The following STX1B variants were observed in gnomAD, a reference collection of about 807,000 sequenced individuals.
STX1B encodes the protein syntaxin-1B.
STX1B carries 7 observed loss-of-function variants against 39.4 expected under a neutral mutation model. The observed-to-expected ratio is 0.18, with a 90% CI of 0.10 to 0.33. The LOEUF (loss-of-function observed/expected upper bound fraction) is 0.33, where lower values mean the gene tolerates loss of function less well. Among genes scored for constraint, STX1B ranks in the 10% least tolerant of loss-of-function variants. STX1B has a pLI of 1.00. For missense variants in STX1B, 198 were observed against 383.2 expected (o/e 0.52, Z 4.04); for synonymous variants, 136 against 144.1 (o/e 0.94, Z 0.40).
chr16:30,999,338 A>G (rs1164789509), intron 4 of STX1B, among the ~76,000 whole-genome samples: 1 of 152,196 alleles, frequency 6.6e-6, no homozygotes, highest in East Asian at 1.9e-4. Flanking sequence ...TCTCTGGGCC[A>G]AGGTCAGTGT....
intron 1 of STX1B, among the ~76,000 whole-genome samples, chr16:31,010,051 G>A (rs758132566): frequency 4.6e-5 from 7 of 151,912 alleles, no homozygotes; most frequent in African/African-American, 9.7e-5. Flanking sequence ...AGTCTCCTCC[G>A]GTTTCTCCTG....
intron 1 of STX1B, among the ~76,000 whole-genome samples, chr16:31,006,556 GTGCTGA>G (rs2056655946): frequency 6.6e-6 from 1 of 152,186 alleles, no homozygotes. Flanking sequence ...ATTTCAGATT[GTGCTGA>G]ATAGCAGGAG....
In STX1B at chr16:31,010,470, G is replaced by T; in HGVS notation, c.-74C>A. On this transcript the variant is annotated 5_prime_UTR_variant, in exon 1 of 10. Transcript: ENST00000215095. Reference sequence around the variant, plus strand: ...GCTCCGGGTCTCCCGCCTCTGTGCCGGAGGCCGGGGTCTGGGGGCGCCGGG... The same window carrying T: ...GCTCCGGGTCTCCCGCCTCTGTGCCTGAGGCCGGGGTCTGGGGGCGCCGGG... 1 of 1,229,022 alleles carries T rather than the reference G, an allele frequency of 8.1e-7. No homozygotes were observed. Among genetic ancestry groups the T allele is most frequent in the Non-Finnish European group, 1.1e-6 (1 of 947,658 alleles). 76.1% of individuals were successfully genotyped at this position (1,229,022 alleles called of 1,614,324 possible).
chr16:30,997,021 G>A lies in STX1B; in HGVS notation c.393C>T (p.Thr131=). ...TLSRKFVEVM[T]EYNATQSKYR... is the part of the protein sequence containing the mutation. The stretch of plus-strand genomic sequence containing the variant: ...ACTTGGACTGGGTCGCGTTATATTC[G>A]GTCATTACCTCCACGAACTTCCGGG... Residue 131 remains threonine, a synonymous_variant, in exon 6 of 10, where the codon ACC becomes ACT. Coordinates refer to ENST00000215095, the MANE Select transcript of STX1B (RefSeq NM_052874.5). 1 of 1,613,380 alleles carries A rather than the reference G, an allele frequency of 6.2e-7. No individual in the cohort carries two copies. Among genetic ancestry groups the A allele is most frequent in the South Asian group, 1.1e-5 (1 of 90,998 alleles).
chr16:30,991,351 C>T lies in STX1B; in HGVS notation c.*1470G>A, dbSNP rs1158287268. 5 of 152,756 alleles carry T rather than the reference C, an allele frequency of 3.3e-5. No individual in the cohort carries two copies. The highest frequency in any genetic ancestry group is 2.6e-4 in the Admixed American group (4 of 15,280). 9.5% of individuals were successfully genotyped at this position (152,756 alleles called of 1,614,324 possible). On this transcript the variant is annotated 3_prime_UTR_variant, in exon 10 of 10. Coordinates refer to ENST00000215095, the MANE Select transcript of STX1B (RefSeq NM_052874.5). Reference sequence around the variant, plus strand: ...AGGATCTAGGTGTGAGCATGCAGAGCCCTGAGGCTGGGCAGGCAGGGAGCT... The same window carrying T: ...AGGATCTAGGTGTGAGCATGCAGAGTCCTGAGGCTGGGCAGGCAGGGAGCT...
chr16:31,010,274 G>GC, intron 1 of STX1B, 93 bp downstream of exon 1: 1 of 1,018,038 alleles, frequency 9.8e-7, no homozygotes, highest in Non-Finnish European at 1.3e-6. Context: ...CTCATCCTTC[G>GC]CCCCCACGTC....
At position 30,989,494 on chromosome 16, in the gene STX1B, G is replaced by C. The variant is rs916808800; in HGVS notation, c.*3327C>G. ...GGCTCTGGGCCCCAGCCAGGCCCCA[G>C]GAGTCCTGTCCCCTCTGAGAAGGGG... On this transcript the variant is annotated 3_prime_UTR_variant, in exon 10 of 10. Transcript: ENST00000215095. The C allele has an allele frequency of 6.6e-6, 1 of 152,186 alleles. No individual in the cohort carries two copies. Among genetic ancestry groups the C allele is most frequent in the African/African-American group, 2.4e-5 (1 of 41,438 alleles). The allele number at this position is 152,186 out of a possible 1,614,324, so 9.4% of individuals were successfully genotyped here. A position where few individuals can be genotyped will look rare whatever the true frequency, so the allele number is the denominator to read the frequency against.
At chr16:30,993,281 G>A (rs1393996869) in intron 8 of STX1B, 41 bp from the exon 9 acceptor site, 13 of 1,613,356 alleles carry the variant, frequency 8.1e-6, no homozygotes, top group South Asian at 1.1e-5. Context: ...GATGGGGGCT[G>A]GGCTGGAAGA....
In STX1B at chr16:30,990,126, C is replaced by CACTCCAGGTGGGGGGAGTGGT. The variant is rs1325599374; in HGVS notation, c.*2674_*2694dup. 2.0e-5 allele frequency: 3 copies of CACTCCAGGTGGGGGGAGTGGT among 152,298 alleles called. No individual in the cohort carries two copies. Among genetic ancestry groups the CACTCCAGGTGGGGGGAGTGGT allele is most frequent in the Non-Finnish European group, 4.4e-5 (3 of 68,096 alleles). The allele number at this position is 152,298 out of a possible 1,614,324, so 9.4% of individuals were successfully genotyped here. A position where few individuals can be genotyped will look rare whatever the true frequency, so the allele number is the denominator to read the frequency against. On this transcript the variant is annotated 3_prime_UTR_variant, in exon 10 of 10. Transcript: ENST00000215095. Reference sequence around the variant, plus strand: ...AGATGGGCAGCTGTGGGCCCAATGCCACTCCAGGTGGGGGGAGTGGTGCCC... The same window carrying CACTCCAGGTGGGGGGAGTGGT: ...AGATGGGCAGCTGTGGGCCCAATGCCACTCCAGGTGGGGGGAGTGGTACTCCAGGTGGGGGGAGTGGTGCCC...
chr16:30,993,690 G>A (rs575147466), intron 7 of STX1B, among the ~76,000 whole-genome samples: 2 of 152,284 alleles, frequency 1.3e-5, no homozygotes, highest in South Asian at 4.2e-4. Context: ...AAGACTGAGT[G>A]AGTTAATATG....
In STX1B at chr16:30,989,849, G is replaced by A. The variant is rs1315744332; in HGVS notation, c.*2972C>T. The A allele has an allele frequency of 6.6e-6, 1 of 152,530 alleles. No homozygotes were observed. Among genetic ancestry groups the A allele is most frequent in the Non-Finnish European group, 1.5e-5 (1 of 68,202 alleles). The allele number at this position is 152,530 out of a possible 1,614,324, so 9.4% of individuals were successfully genotyped here. ...TGGGAACAGGGAGGAGGGGGAAGAG[G>A]AGCACTGAGCCCTGGCCAGGCCCGG... On this transcript the variant is annotated 3_prime_UTR_variant, in exon 10 of 10. Coordinates refer to ENST00000215095, the MANE Select transcript of STX1B (RefSeq NM_052874.5).
chr16:30,998,781 T>C (rs1055830240), intron 4 of STX1B, among the ~76,000 whole-genome samples: 1 of 152,136 alleles, frequency 6.6e-6, no homozygotes, highest in Non-Finnish European at 1.5e-5. Flanking sequence ...CCTGAACCCC[T>C]CACCCACAGA....
At chr16:30,993,580 T>C in intron 7 of STX1B, 96 bp from the exon 8 acceptor site, 2 of 1,435,226 alleles carry the variant, frequency 1.4e-6, no homozygotes, top group South Asian at 1.2e-5. Flanking sequence ...TGTCATTTAC[T>C]AGCTGAAACC....
intron 1 of STX1B, among the ~76,000 whole-genome samples, chr16:31,005,850 A>C (rs2056652577): frequency 6.6e-6 from 1 of 152,146 alleles, no homozygotes; most frequent in East Asian, 1.9e-4. Flanking sequence ...GACTGCGCAC[A>C]TCAGATCCAA....
In STX1B at chr16:30,990,923, C is replaced by T. The variant is rs1596712592; in HGVS notation, c.*1898G>A. On this transcript the variant is annotated 3_prime_UTR_variant, in exon 10 of 10. Coordinates refer to ENST00000215095, the MANE Select transcript of STX1B (RefSeq NM_052874.5). ...GGATGGGTCTCAGGACCCAGCCCAC[C>T]CTGAGTGGCCACTGCCACACTGGCC... 6.6e-6 allele frequency: 1 copy of T among 152,200 alleles called. No homozygotes were observed. The highest frequency in any genetic ancestry group is 2.1e-4 in the South Asian group (1 of 4,834). 9.4% of individuals were successfully genotyped at this position (152,200 alleles called of 1,614,324 possible). A position where few individuals can be genotyped will look rare whatever the true frequency, so the allele number is the denominator to read the frequency against.
chr16:31,007,386 C>G (rs148719441), intron 1 of STX1B, among the ~76,000 whole-genome samples: 1 of 152,172 alleles, frequency 6.6e-6, no homozygotes. Context: ...TCCACAGCTG[C>G]GTCTCAGACC....
intron 1 of STX1B, among the ~76,000 whole-genome samples, chr16:31,006,001 G>A (rs943479382): frequency 4.6e-5 from 7 of 152,242 alleles, no homozygotes; most frequent in African/African-American, 1.7e-4. Flanking sequence ...GAGTGACAGT[G>A]AGAGCCAGCA....
Position 31,001,459 on chromosome 16 carries a change from C to T in STX1B, c.105+70G>A, listed in dbSNP as rs2056628812. ...GCTGGGTGCCGGGGCTGAGGCTGGG[C>T]GGTGGGACTAGGGGCTGGGGCTGGG... On this transcript the variant is annotated intron_variant, in intron 2 of 9. Transcript: ENST00000215095. The surrounding 1 kb of genome is among the most constrained non-coding windows in gnomAD (Gnocchi z 5.5). The T allele has an allele frequency of 1.8e-6, 2 of 1,104,688 alleles. No homozygotes were observed. Among genetic ancestry groups the T allele is most frequent in the Non-Finnish European group, 2.5e-6 (2 of 806,466 alleles). The allele number at this position is 1,104,688 out of a possible 1,614,324, so 68.4% of individuals were successfully genotyped here.
chr16:30,996,634 G>A (rs758822028), intron 7 of STX1B, 49 bp downstream of exon 7: 9 of 1,575,364 alleles, frequency 5.7e-6, no homozygotes, highest in Non-Finnish European at 7.8e-6. Context: ...ACTTAGGGAG[G>A]GGAGGCAAAA....
Sources: gnomAD v4.1 joint callset for allele counts (sites outside exome capture counted in the v4.1 genomes callset) on GRCh38, gnomAD v4.1.1 for gene constraint, Gnocchi (gnomAD v3.1) non-coding constraint, MANE v1.5 for transcripts, NCBI Gene and HGNC (gene_info 2026-07-23, HGNC 2026-07-21) for gene names.